EFHB: variants seen among roughly 807,000 people sequenced by gnomAD.
EFHB encodes EF-hand domain family member B.
In EFHB, 91 loss-of-function variants were observed where a neutral mutation model predicts 87.2. The ratio of observed to expected loss-of-function variants is 1.04; its 90% CI spans 0.88 to 1.24. The LOEUF (loss-of-function observed/expected upper bound fraction) is 1.24, where lower values mean the gene tolerates loss of function less well. Ranked by LOEUF, EFHB falls within the 50% of genes most tolerant of loss-of-function variation. The pLI, the probability that EFHB is intolerant of heterozygous loss-of-function variation, is 0.00. For synonymous variants in EFHB, 325 were observed against 333.6 expected, an observed-to-expected ratio of 0.97 and a Z score of 0.28; for missense variants, 1,084 against 998.8, an observed-to-expected ratio of 1.09 and a Z score of -1.15.
intron 4 of EFHB, among the ~76,000 whole-genome samples, chr3:19,916,481 C>A (rs764272742): frequency 5.3e-4 from 81 of 151,934 alleles, no homozygotes; most frequent in Non-Finnish European, 1.0e-3. Flanking sequence ...CGACACTGCA[C>A]TCCAGCCTGG....
chr3:19,919,673 A>C (rs1440085158), intron 3 of EFHB, among the ~76,000 whole-genome samples, 160 bp downstream of exon 3: 1 of 151,934 alleles, frequency 6.6e-6, no homozygotes, highest in Admixed American at 6.6e-5. Flanking sequence ...GCTTTTTTTT[A>C]CTGCTCAAGA....
At chr3:19,940,565 A>G in intron 1 of EFHB, 1 of 498,530 alleles carries the variant, frequency 2.0e-6, no homozygotes. Context: ...GATTCAAGGG[A>G]ATTCTTTGAT....
chr3:19,901,155 A>G (rs1481066448), intron 6 of EFHB, among the ~76,000 whole-genome samples: 1 of 152,186 alleles, frequency 6.6e-6, no homozygotes, highest in Non-Finnish European at 1.5e-5. Context: ...GCACTCTGGT[A>G]AAAACTATGC....
chr3:19,909,512 G>A (rs9822567), intron 5 of EFHB, among the ~76,000 whole-genome samples: 4,037 of 152,258 alleles, frequency 0.027, 180 homozygotes, highest in African/African-American at 0.091. Flanking sequence ...ACTCTTAGGC[G>A]ACTCCCAGAG....
chr3:19,931,021 G>A (rs1036702806), intron 1 of EFHB, among the ~76,000 whole-genome samples: 7 of 152,042 alleles, frequency 4.6e-5, no homozygotes, highest in African/African-American at 1.2e-4. Context: ...AAAATTAGCC[G>A]GGTGTGGTGG....
At chr3:19,924,509 G>A (rs1695549819) in intron 1 of EFHB, among the ~76,000 whole-genome samples, 2 of 152,096 alleles carry the variant, frequency 1.3e-5, no homozygotes, top group African/African-American at 4.8e-5. Flanking sequence ...ACTGCGCCAG[G>A]CCTTTTCTCA....
chr3:19,884,261 C>T lies in EFHB; in HGVS notation c.2146+142G>A, dbSNP rs1006490302. 2.0e-5 allele frequency: 15 copies of T among 741,250 alleles called. 1 individual carries two copies. The highest frequency in any genetic ancestry group is 1.0e-4 in the South Asian group (5 of 50,178). 45.9% of individuals were successfully genotyped at this position (741,250 alleles called of 1,614,324 possible). ...AACATTTATATGTGGGCCTCTCCTC[C>T]CCAGGTGGTTAGAATATGAATTAAA... On this transcript the variant is annotated intron_variant, in intron 11 of 12. Transcript: ENST00000295824.
chr3:19,936,967 G>A (rs1047055921), upstream of EFHB, among the ~76,000 whole-genome samples: 9 of 151,764 alleles, frequency 5.9e-5, no homozygotes, highest in East Asian at 1.9e-4. Context: ...ACTTGAGTTC[G>A]AGACCAGCCT....
At chr3:19,915,188 T>C (rs973244111) in intron 5 of EFHB, 115 bp downstream of exon 5, 1 of 638,044 alleles carries the variant, frequency 1.6e-6, no homozygotes, top group African/African-American at 1.8e-5. Flanking sequence ...TAATATTGTA[T>C]TAGTTACCTA....
rs2071624456 is a variant in EFHB, at chr3:19,879,703, A to AT, written c.2429_2430insA (p.Cys810Ter). 1 of 1,611,020 alleles carries AT rather than the reference A, an allele frequency of 6.2e-7. No homozygotes were observed. Among genetic ancestry groups the AT allele is most frequent in the South Asian group, 1.1e-5 (1 of 90,464 alleles). Residue 810 changes from cysteine to a stop codon, truncating the protein, a stop_gained and frameshift_variant, in exon 13 of 13, where the codon TGT becomes TGAT. Coordinates refer to ENST00000295824, the MANE Select transcript of EFHB (RefSeq NM_144715.4). LOFTEE classifies it high-confidence loss of function. ...ASKKHHRGEV[C>*]VENIRNVLDE... Reference sequence around the variant, plus strand: ...CTAGAACATTTCTGATGTTCTCAACACAAACTTCTCCTCTGTGATGCTTTT... The same window carrying AT: ...CTAGAACATTTCTGATGTTCTCAACATCAAACTTCTCCTCTGTGATGCTTTT...
At chr3:19,883,043 C>T (rs953733834) in intron 11 of EFHB, among the ~76,000 whole-genome samples, 1 of 151,886 alleles carries the variant, frequency 6.6e-6, no homozygotes, top group Admixed American at 6.6e-5. Flanking sequence ...CTCTGTCACC[C>T]AGGCTAGAAT....
At chr3:19,913,431 G>C (rs1351905487) in intron 5 of EFHB, among the ~76,000 whole-genome samples, 1 of 152,086 alleles carries the variant, frequency 6.6e-6, no homozygotes, top group Non-Finnish European at 1.5e-5. Context: ...AATTTAAAAA[G>C]TAATCCCATG....
In EFHB at chr3:19,888,832, T is replaced by C. The variant is rs528795798; in HGVS notation, c.1726-181A>G. Among the ~76,000 whole-genome samples, 5 of 152,370 alleles carry C rather than the reference T, an allele frequency of 3.3e-5. No individual in the cohort carries two copies. In the South Asian group the frequency reaches 1.0e-3, roughly 32 times the overall value. The stretch of plus-strand genomic sequence containing the variant: ...CCGTGGTAGAGCATTATTACCATGA[T>C]ATGGGCTTGACATTTCATATGACCA... On this transcript the variant is annotated intron_variant, in intron 9 of 12. Transcript: ENST00000295824.
chr3:19,888,486 T>C lies in EFHB; in HGVS notation c.1891A>G (p.Lys631Glu). ...EFANFLNWKD[K>E]MLLKEYEERV... Reference sequence around the variant, plus strand: ...TCTTCATACTCTTTAAGAAGCATTTTGTCTTTCCAGTTAAGAAAATTTGCG... The same window carrying C: ...TCTTCATACTCTTTAAGAAGCATTTCGTCTTTCCAGTTAAGAAAATTTGCG... Residue 631 changes from lysine to glutamate, a missense_variant, in exon 10 of 13, where the codon AAA (lysine) becomes GAA (glutamate). By Grantham distance (56) the Lys-to-Glu change is moderately conservative (BLOSUM62 1). Coordinates refer to ENST00000295824, the MANE Select transcript of EFHB (RefSeq NM_144715.4). The C allele has an allele frequency of 6.4e-7, 1 of 1,569,806 alleles. No individual in the cohort carries two copies. The highest frequency in any genetic ancestry group is 8.7e-7 in the Non-Finnish European group (1 of 1,155,246).
chr3:19,897,061 G>A (rs1045613392), intron 8 of EFHB, among the ~76,000 whole-genome samples: 2 of 152,112 alleles, frequency 1.3e-5, no homozygotes, highest in Non-Finnish European at 2.9e-5. Flanking sequence ...CTCTGCTCAA[G>A]AAGAAAATCT....
intron 5 of EFHB, among the ~76,000 whole-genome samples, chr3:19,915,018 G>A (rs1236282291): frequency 6.6e-6 from 1 of 151,976 alleles, no homozygotes; most frequent in Admixed American, 6.6e-5. Flanking sequence ...CTTGAGCCTA[G>A]GAGGTGGAGA....
At chr3:19,946,380 G>C (rs182175279) in intron 1 of EFHB, 1 of 152,388 alleles carries the variant, frequency 6.6e-6, no homozygotes, top group East Asian at 1.9e-4. Context: ...CGATTAACAA[G>C]TTAGTTTCAG....
chr3:19,908,562 A>AAGAGAGAAAGAGAGAAAGAGAGAAAG (rs1559459432), intron 5 of EFHB, among the ~76,000 whole-genome samples: 2 of 83,818 alleles, frequency 2.4e-5, no homozygotes, highest in African/African-American at 9.7e-5. Flanking sequence ...GAAAGAGAGA[A>AAGAGAGAAAGAGAGAAAGAGAGAAAG]AGAGAGAGAG....
At chr3:19,943,801 C>T (rs897389772) in intron 1 of EFHB, among the ~76,000 whole-genome samples, 1 of 152,156 alleles carries the variant, frequency 6.6e-6, no homozygotes, top group Non-Finnish European at 1.5e-5. Context: ...TATAACCCAA[C>T]CCCTATCTCA....
Sources: gnomAD v4.1 joint callset for allele counts (sites outside exome capture counted in the v4.1 genomes callset) on GRCh38, gnomAD v4.1.1 for gene constraint, MANE v1.5 for transcripts, NCBI Gene and HGNC (gene_info 2026-07-23, HGNC 2026-07-21) for gene names.